ANKRD11: variants seen among roughly 807,000 people sequenced by gnomAD.
ANKRD11 encodes ankyrin repeat domain-containing protein 11.
Under a neutral mutation model 195.7 loss-of-function variants are expected in ANKRD11, and 17 were observed. That is an observed-to-expected ratio of 0.09 (90% CI 0.06 to 0.13). The LOEUF (loss-of-function observed/expected upper bound fraction) is 0.13. Among genes scored for constraint, ANKRD11 ranks in the 10% least tolerant of loss-of-function variants. ANKRD11 has a pLI of 1.00. For synonymous variants in ANKRD11, 1,953 were observed against 1,528.1 expected (o/e 1.28, Z -6.49); for missense variants, 3,735 against 3,566.1 (o/e 1.05, Z -1.21).
chr16:89,308,931 G>C (rs1302888913), intron 3 of ANKRD11, among the ~76,000 whole-genome samples: 2 of 152,214 alleles, frequency 1.3e-5, no homozygotes, highest in Admixed American at 6.5e-5. Flanking sequence ...CGTGCATGCA[G>C]TGGCAGATGC....
intron 1 of ANKRD11, among the ~76,000 whole-genome samples, chr16:89,441,099 G>A (rs1349604114): frequency 6.6e-6 from 1 of 151,946 alleles, no homozygotes. Flanking sequence ...AGCCGGGCGT[G>A]GTGGTGGGCG....
chr16:89,432,470 G>A (rs2043024386), intron 1 of ANKRD11, among the ~76,000 whole-genome samples: 1 of 151,922 alleles, frequency 6.6e-6, no homozygotes, highest in Non-Finnish European at 1.5e-5. Context: ...CTGAGCAACC[G>A]CAAACACCTT....
intron 7 of ANKRD11, chr16:89,287,886 C>A (rs961756112): frequency 2.9e-6 from 1 of 346,280 alleles, no homozygotes; most frequent in Non-Finnish European, 5.2e-6. Flanking sequence ...CCCCGTGTGA[C>A]CCCTCAGCCT....
chr16:89,426,204 C>A (rs192668343), intron 1 of ANKRD11, among the ~76,000 whole-genome samples: 1 of 151,342 alleles, frequency 6.6e-6, no homozygotes, highest in Non-Finnish European at 1.5e-5. Flanking sequence ...ACAGCTATAA[C>A]AAAAAAAACA....
At chr16:89,313,366 G>A (rs746956739) in intron 3 of ANKRD11, 13 of 1,287,682 alleles carry the variant, frequency 1.0e-5, no homozygotes, top group African/African-American at 4.6e-5. Flanking sequence ...GGTTCTTCCC[G>A]AGGCAGCTCA....
At chr16:89,424,830 CG>C (rs2042653607) in intron 1 of ANKRD11, among the ~76,000 whole-genome samples, 1 of 152,130 alleles carries the variant, frequency 6.6e-6, no homozygotes, top group Non-Finnish European at 1.5e-5. Context: ...ACGGCAGGGA[CG>C]GGGGCCCCCA....
At chr16:89,451,463 G>A (rs1289498923) in intron 1 of ANKRD11, among the ~76,000 whole-genome samples, 1 of 149,704 alleles carries the variant, frequency 6.7e-6, no homozygotes, top group African/African-American at 2.5e-5. Context: ...CCAGGCAGGA[G>A]TGCAGTTGTG....
At position 89,280,666 on chromosome 16, in the gene ANKRD11, G is replaced by A. The variant is rs2034141027; in HGVS notation, c.5876C>T (p.Ala1959Val). ...EWAHPSEQAL[A>V]SSLIGGTSEN... ...AGAGGTGCCCCCGATCAGGCTAGAG[G>A]CAAGCGCCTGCTCGGAGGGGTGGGC... Residue 1959 changes from alanine (A) to valine (V), a missense_variant, in exon 9 of 13, where the codon GCC (alanine) becomes GTC (valine). Coordinates refer to ENST00000301030, the MANE Select transcript of ANKRD11 (RefSeq NM_013275.6). The A allele has an allele frequency of 6.2e-7, 1 of 1,613,448 alleles. No homozygotes were observed. Among genetic ancestry groups the A allele is most frequent in the Non-Finnish European group, 8.5e-7 (1 of 1,179,960 alleles).
In ANKRD11 at chr16:89,282,313, G is replaced by A; in HGVS notation, c.4229C>T (p.Ala1410Val). Residue 1410 changes from alanine (A) to valine (V), a missense_variant, in exon 9 of 13, where the codon GCT becomes GTT. Physicochemically the swap from Ala to Val is moderately conservative, Grantham distance 64. Coordinates refer to ENST00000301030, the MANE Select transcript of ANKRD11 (RefSeq NM_013275.6). The part of the protein sequence containing the change: ...DAYGVSYNMK[A>V]DIEDELDKTI... The stretch of plus-strand genomic sequence containing the variant: ...TTTATCTAGCTCATCTTCTATGTCA[G>A]CTTTCATGTTGTAAGAAACTCCGTA... 1 of 1,614,146 alleles carries A rather than the reference G, an allele frequency of 6.2e-7. No individual in the cohort carries two copies. Among genetic ancestry groups the A allele is most frequent in the South Asian group, 1.1e-5 (1 of 91,074 alleles).
At chr16:89,316,313 C>A (rs1333241055) in intron 3 of ANKRD11, among the ~76,000 whole-genome samples, 2 of 152,120 alleles carry the variant, frequency 1.3e-5, no homozygotes, top group African/African-American at 4.8e-5. Context: ...TCGCTGGGCA[C>A]ACCCCAGAAC....
At position 89,281,670 on chromosome 16, in the gene ANKRD11, C is replaced by A. The variant is rs143426579; in HGVS notation, c.4872G>T (p.Ala1624=). 3.1e-6 allele frequency: 5 copies of A among 1,614,046 alleles called. No individual in the cohort carries two copies. In the Admixed American group the frequency reaches 5.0e-5, roughly 16 times the overall value. Residue 1624 remains alanine, a synonymous_variant, in exon 9 of 13, where the codon GCG becomes GCT. Transcript: ENST00000301030. The surrounding 1 kb of genome is among the most constrained non-coding windows in gnomAD (Gnocchi z 5.5). The part of the protein sequence containing the change: ...RSGDPKLKEK[A]KPADDGRKKG... ...TCTTCCGCCCGTCGTCTGCCGGCTT[C>A]GCCTTCTCCTTGAGCTTGGGGTCTC... is the stretch of plus-strand genomic sequence containing the variant.
At chr16:89,333,500 C>T (rs571206604) in intron 2 of ANKRD11, among the ~76,000 whole-genome samples, 7 of 152,260 alleles carry the variant, frequency 4.6e-5, no homozygotes, top group African/African-American at 7.2e-5. Flanking sequence ...CCAGGTCCCC[C>T]GTGTTCCTGC....
chr16:89,306,352 T>C (rs1465003041), intron 3 of ANKRD11, among the ~76,000 whole-genome samples: 58 of 25,358 alleles, frequency 2.3e-3, no homozygotes, highest in Admixed American at 3.1e-3. Context: ...ACGCGCCACC[T>C]ACCTCCCACT....
chr16:89,427,192 C>G (rs964916815), intron 1 of ANKRD11, among the ~76,000 whole-genome samples: 5 of 152,174 alleles, frequency 3.3e-5, no homozygotes, highest in Non-Finnish European at 7.3e-5. Context: ...GAATATTTAG[C>G]AACAAATTTA....
chr16:89,272,161 G>A (rs1263250431), intron 11 of ANKRD11: 4 of 152,160 alleles, frequency 2.6e-5, no homozygotes, highest in Admixed American at 6.5e-5. Flanking sequence ...ATCATTGATC[G>A]TCAGAGAAAT....
intron 1 of ANKRD11, among the ~76,000 whole-genome samples, chr16:89,421,600 G>A (rs1404180989): frequency 1.2e-5 from 1 of 82,782 alleles, no homozygotes; most frequent in African/African-American, 5.8e-5. Context: ...GTGTGATGAC[G>A]GAGTCAGGGA....
intron 2 of ANKRD11, among the ~76,000 whole-genome samples, chr16:89,409,884 G>C (rs931971010): frequency 1.0e-4 from 15 of 148,380 alleles, no homozygotes; most frequent in Admixed American, 7.3e-4. Context: ...CTGTCGCCCA[G>C]GCTGGAGTGT....
At chr16:89,424,049 G>A (rs1314299036) in intron 1 of ANKRD11, among the ~76,000 whole-genome samples, 1 of 152,060 alleles carries the variant, frequency 6.6e-6, no homozygotes, top group East Asian at 1.9e-4. Flanking sequence ...CTCGACCAGT[G>A]AGGAACTGGG....
At position 89,291,228 on chromosome 16, in the gene ANKRD11, T is replaced by C; in HGVS notation, c.227-45A>G. The C allele has an allele frequency of 6.2e-7, 1 of 1,607,336 alleles. No individual in the cohort carries two copies. Among genetic ancestry groups the C allele is most frequent in the Non-Finnish European group, 8.5e-7 (1 of 1,179,048 alleles). Reference sequence around the variant, plus strand: ...GAGAGGGAGGAGAGATTTCATGCCATGGTGTCCTCCAAAGCTAGGTCCTTA... The same window carrying C: ...GAGAGGGAGGAGAGATTTCATGCCACGGTGTCCTCCAAAGCTAGGTCCTTA... On this transcript the variant is annotated intron_variant, in intron 4 of 12. Coordinates refer to ENST00000301030, the MANE Select transcript of ANKRD11 (RefSeq NM_013275.6). The surrounding 1 kb of genome is among the most constrained non-coding windows in gnomAD (Gnocchi z 5.3).
Sources: allele counts gnomAD v4.1 joint callset (sites outside exome capture counted in the v4.1 genomes callset), GRCh38; gene constraint gnomAD v4.1.1; non-coding constraint Gnocchi (gnomAD v3.1); transcripts MANE v1.5; gene names NCBI Gene and HGNC (gene_info 2026-07-23, HGNC 2026-07-21).